RBX1: variants seen among roughly 807,000 people sequenced by gnomAD.
RBX1 encodes the protein E3 ubiquitin-protein ligase RBX1.
For synonymous variants in RBX1, 48 were observed against 47.9 expected (o/e 1.00, Z -0.01); for missense variants, 46 against 141.4 (o/e 0.33, Z 3.42).
rs751221072 is a variant in RBX1, at chr22:40,972,594, G to GT, written c.*112dup. 4.3e-6 allele frequency: 4 copies of GT among 925,908 alleles called. No homozygotes were observed. The highest frequency in any genetic ancestry group is 1.7e-5 in the African/African-American group (1 of 60,348). The allele number at this position is 925,908 out of a possible 1,614,324, so 57.4% of individuals were successfully genotyped here. A position where few individuals can be genotyped will look rare whatever the true frequency, so the allele number is the denominator to read the frequency against. On this transcript the variant is annotated 3_prime_UTR_variant, in exon 5 of 5. Coordinates refer to ENST00000216225, the MANE Select transcript of RBX1 (RefSeq NM_014248.4). ...ATGGAACTGTGTTTTTTTCTGCTTTGTTTTTTCAGTTTGCTGTTTCTGTAG... is the reference window on the plus strand; with the variant it reads ...ATGGAACTGTGTTTTTTTCTGCTTTGTTTTTTTCAGTTTGCTGTTTCTGTAG...
intron 1 of RBX1, among the ~76,000 whole-genome samples, chr22:40,952,123 TC>T (rs2058312794): frequency 6.6e-6 from 1 of 151,962 alleles, no homozygotes; most frequent in African/African-American, 2.4e-5. Context: ...GTCCAGAATC[TC>T]CCCCTTCCAA....
At chr22:40,968,369 G>T (rs889523505) in intron 4 of RBX1, among the ~76,000 whole-genome samples, 1 of 152,046 alleles carries the variant, frequency 6.6e-6, no homozygotes, top group Non-Finnish European at 1.5e-5. Context: ...GGGATTACAG[G>T]TGTGAGCCAC....
intron 3 of RBX1, among the ~76,000 whole-genome samples, chr22:40,965,155 T>A (rs2058350697): frequency 1.3e-5 from 2 of 151,856 alleles, no homozygotes; most frequent in Admixed American, 6.6e-5. Context: ...TACAAAAAAT[T>A]AGCCGGGTGT....
intron 2 of RBX1, among the ~76,000 whole-genome samples, chr22:40,954,760 C>T (rs551085751): frequency 3.3e-5 from 5 of 151,180 alleles, no homozygotes; most frequent in Non-Finnish European, 7.4e-5. Context: ...TAACTGACCA[C>T]GGTGGCCAAA....
chr22:40,956,415 A>T (rs1601534725), intron 2 of RBX1, among the ~76,000 whole-genome samples: 6 of 137,186 alleles, frequency 4.4e-5, no homozygotes, highest in Admixed American at 1.5e-4. Flanking sequence ...TTTTTTTTTT[A>T]AAGACAGAGT....
chr22:40,953,065 A>T (rs1305102854), intron 1 of RBX1, among the ~76,000 whole-genome samples: 2 of 134,706 alleles, frequency 1.5e-5, no homozygotes, highest in African/African-American at 5.5e-5. Flanking sequence ...ATCTTGGCTC[A>T]CTGCAACCTC....
chr22:40,963,924 C>T (rs2058347436), intron 2 of RBX1, 123 bp from the exon 3 acceptor site: 1 of 710,648 alleles, frequency 1.4e-6, no homozygotes, highest in East Asian at 2.6e-5. Flanking sequence ...TCTGTTCTTC[C>T]TTTCCCACAT....
chr22:40,957,690 C>G (rs2099027646), intron 2 of RBX1, among the ~76,000 whole-genome samples: 2 of 152,098 alleles, frequency 1.3e-5, no homozygotes, highest in African/African-American at 4.8e-5. Flanking sequence ...TTGTTAGAGA[C>G]AGGGTCTCAC....
intron 2 of RBX1, 76 bp from the exon 3 acceptor site, chr22:40,963,971 G>T: frequency 1.9e-6 from 2 of 1,069,838 alleles, no homozygotes; most frequent in African/African-American, 1.6e-5. Flanking sequence ...AACCACTTGA[G>T]AATTGTTTTG....
chr22:40,965,269 C>T (rs2058351070), intron 3 of RBX1, among the ~76,000 whole-genome samples: 2 of 151,500 alleles, frequency 1.3e-5, no homozygotes, highest in Admixed American at 1.3e-4. Context: ...CACCACTGCA[C>T]TCCAGCCTGG....
intron 2 of RBX1, among the ~76,000 whole-genome samples, chr22:40,954,682 C>T (rs1391729967): frequency 6.6e-6 from 1 of 150,696 alleles, no homozygotes; most frequent in Non-Finnish European, 1.5e-5. Context: ...ACTCACCTGC[C>T]TTTACAACTT....
intron 4 of RBX1, among the ~76,000 whole-genome samples, chr22:40,969,038 G>A (rs1207199887): frequency 3.3e-5 from 5 of 152,040 alleles, no homozygotes; most frequent in Non-Finnish European, 7.4e-5. Context: ...CCCTGGCCAG[G>A]CACGGTGGCT....
At chr22:40,952,492 G>T (rs2058313887) in intron 1 of RBX1, among the ~76,000 whole-genome samples, 2 of 152,126 alleles carry the variant, frequency 1.3e-5, no homozygotes, top group African/African-American at 4.8e-5. Context: ...ATAGAAGTAG[G>T]GGCTTTTCCT....
intron 2 of RBX1, among the ~76,000 whole-genome samples, chr22:40,961,290 G>A (rs2058339501): frequency 6.6e-6 from 1 of 151,754 alleles, no homozygotes; most frequent in South Asian, 2.1e-4. Flanking sequence ...TTGCTGTGTT[G>A]CCCAGCCTGG....
At chr22:40,971,663 T>A (rs1375908219) in intron 4 of RBX1, among the ~76,000 whole-genome samples, 5 of 152,116 alleles carry the variant, frequency 3.3e-5, no homozygotes, top group Non-Finnish European at 5.9e-5. Flanking sequence ...TTGAAGCAGT[T>A]CTCTTGCCTC....
intron 3 of RBX1, among the ~76,000 whole-genome samples, chr22:40,965,650 A>T (rs1459851258): frequency 1.3e-5 from 2 of 152,204 alleles, no homozygotes; most frequent in Non-Finnish European, 2.9e-5. Context: ...CATGTTGGCC[A>T]GGCTGGTCTT....
rs758113179 is a variant in RBX1 at position 40,953,535 on chromosome 22, C to T, written c.79-20C>T. 3.2e-6 allele frequency: 5 copies of T among 1,545,000 alleles called. No individual in the cohort carries two copies. The East Asian group carries it at 1.1e-4, about 35-fold the overall frequency. On this transcript the variant is annotated intron_variant, in intron 1 of 4. Transcript: ENST00000216225. ...TGTGTTACAAGCAGAATGCACTGTT[C>T]CCTCTTTTTGTCTTTGCAGTGGAAT...
intron 2 of RBX1, among the ~76,000 whole-genome samples, chr22:40,963,563 G>T (rs1224675387): frequency 2.0e-5 from 3 of 152,114 alleles, no homozygotes; most frequent in Non-Finnish European, 4.4e-5. Context: ...TTGAACTCGG[G>T]GGGCGGAGGT....
chr22:40,956,028 A>G (rs2058324478), intron 2 of RBX1, among the ~76,000 whole-genome samples: 1 of 152,144 alleles, frequency 6.6e-6, no homozygotes, highest in South Asian at 2.1e-4. Context: ...TGTTTTGAAA[A>G]TAGTTAATGA....
Sources: allele counts gnomAD v4.1 joint callset (sites outside exome capture counted in the v4.1 genomes callset), GRCh38; gene constraint gnomAD v4.1.1; transcripts MANE v1.5; gene names NCBI Gene and HGNC (gene_info 2026-07-23, HGNC 2026-07-21).